The following AAMDC variants were observed in gnomAD, a reference collection of about 807,000 sequenced individuals.
The protein encoded by AAMDC is mth938 domain-containing protein.
In AAMDC, 16 loss-of-function variants were observed where a neutral mutation model predicts 15.5. The ratio of observed to expected loss-of-function variants is 1.03; its 90% CI spans 0.70 to 1.57. The LOEUF (loss-of-function observed/expected upper bound fraction) is 1.57. AAMDC is among the 40% of genes most tolerant of loss of function. The pLI is 0.00. For missense variants in AAMDC, 141 were observed against 144.9 expected, an observed-to-expected ratio of 0.97 and a Z score of 0.14; for synonymous variants, 51 against 51.6, an observed-to-expected ratio of 0.99 and a Z score of 0.05.
intron 5 of AAMDC, chr11:77,891,356 T>A: frequency 6.2e-7 from 1 of 1,610,968 alleles, no homozygotes; most frequent in South Asian, 1.1e-5. Flanking sequence ...CTGCACATGC[T>A]CCAGGGTTGC....
intron 1 of AAMDC, 56 bp from the exon 2 acceptor site, chr11:77,842,423 A>C (rs1297214289): frequency 2.6e-6 from 4 of 1,523,762 alleles, no homozygotes; most frequent in Non-Finnish European, 3.6e-6. Context: ...CTGTATTTTC[A>C]AACTGTTTCA....
At chr11:77,849,096 G>A (rs1950265572) in intron 2 of AAMDC, among the ~76,000 whole-genome samples, 1 of 151,530 alleles carries the variant, frequency 6.6e-6, no homozygotes, top group African/African-American at 2.4e-5. Flanking sequence ...GAGTGCAATG[G>A]CGCCATTATT....
At chr11:77,823,906 A>G (rs1402209363) in intron 1 of AAMDC, among the ~76,000 whole-genome samples, 1 of 152,048 alleles carries the variant, frequency 6.6e-6, no homozygotes, top group Non-Finnish European at 1.5e-5. Context: ...GAGGTTGTGA[A>G]ATAACATTCT....
At chr11:77,838,153 T>C (rs1590934017) in intron 1 of AAMDC, among the ~76,000 whole-genome samples, 1 of 152,200 alleles carries the variant, frequency 6.6e-6, no homozygotes, top group Admixed American at 6.5e-5. Flanking sequence ...TTTCTAATCG[T>C]CTTTAGTTGG....
chr11:77,903,439 G>C, downstream of AAMDC: 2 of 1,606,060 alleles, frequency 1.2e-6, no homozygotes, highest in Non-Finnish European at 1.7e-6. Flanking sequence ...TTTCCTGCAA[G>C]GCCTACACAG....
At chr11:77,865,601 C>T (rs1054507225) in intron 2 of AAMDC, among the ~76,000 whole-genome samples, 2 of 152,172 alleles carry the variant, frequency 1.3e-5, no homozygotes, top group Non-Finnish European at 2.9e-5. Context: ...GAGTGTCTAG[C>T]TTATCAGCTA....
downstream of AAMDC, among the ~76,000 whole-genome samples, chr11:77,902,797 C>T (rs558362857): frequency 6.6e-6 from 1 of 152,268 alleles, no homozygotes; most frequent in African/African-American, 2.4e-5. Flanking sequence ...GGGAATGACT[C>T]AAAGCTAAAA....
chr11:77,866,890 G>T (rs1951140926), intron 2 of AAMDC, among the ~76,000 whole-genome samples: 1 of 151,832 alleles, frequency 6.6e-6, no homozygotes, highest in East Asian at 1.9e-4. Flanking sequence ...GCCCAGGCTG[G>T]AGTGTAGTGG....
At chr11:77,886,876 C>A (rs1046947481) in intron 5 of AAMDC, among the ~76,000 whole-genome samples, 2 of 152,080 alleles carry the variant, frequency 1.3e-5, no homozygotes, top group African/African-American at 4.8e-5. Flanking sequence ...TGAAGGCAGA[C>A]ATAAAGATAT....
chr11:77,880,745 C>A (rs1565219171), intron 5 of AAMDC, among the ~76,000 whole-genome samples: 1 of 152,056 alleles, frequency 6.6e-6, no homozygotes, highest in Non-Finnish European at 1.5e-5. Context: ...ATCACTTGAT[C>A]CCAGGTGTTT....
Position 77,872,337 on chromosome 11 carries a change from A to C in AAMDC, c.*22A>C. 6.2e-7 allele frequency: 1 copy of C among 1,601,358 alleles called. No homozygotes were observed. The highest frequency in any genetic ancestry group is 8.5e-7 in the Non-Finnish European group (1 of 1,174,572). ...CTGATGGAGCCTTAAGAGGAGAATAAATCACTAAGTGCCTATGCCTGTGAC... is the reference window on the plus strand; with the variant it reads ...CTGATGGAGCCTTAAGAGGAGAATACATCACTAAGTGCCTATGCCTGTGAC... On this transcript the variant is annotated 3_prime_UTR_variant, in exon 4 of 4. Transcript: ENST00000393427.
chr11:77,890,657 C>T (rs1343703945), intron 5 of AAMDC, among the ~76,000 whole-genome samples: 1 of 152,236 alleles, frequency 6.6e-6, no homozygotes, highest in Admixed American at 6.5e-5. Context: ...GTGCACACCC[C>T]GAGAGGAAGA....
At chr11:77,845,447 G>A (rs924351547) in intron 2 of AAMDC, among the ~76,000 whole-genome samples, 1 of 151,046 alleles carries the variant, frequency 6.6e-6, no homozygotes, top group Admixed American at 6.6e-5. Context: ...TTTTTGGTGG[G>A]GGGGATAGAC....
At chr11:77,881,504 C>T (rs1266306843) in intron 5 of AAMDC, among the ~76,000 whole-genome samples, 1 of 152,252 alleles carries the variant, frequency 6.6e-6, no homozygotes, top group Non-Finnish European at 1.5e-5. Context: ...GGAAGGGTGA[C>T]TGCAGCTTTA....
chr11:77,838,615 C>CTTTTTT (rs34851335), intron 1 of AAMDC, among the ~76,000 whole-genome samples: 3 of 129,336 alleles, frequency 2.3e-5, no homozygotes, highest in Non-Finnish European at 1.6e-5. Flanking sequence ...ATACAAGTAC[C>CTTTTTT]TTTTTTTTTT....
At chr11:77,825,698 G>GT (rs1250441260) in intron 1 of AAMDC, among the ~76,000 whole-genome samples, 748 of 139,126 alleles carry the variant, frequency 5.4e-3, no homozygotes, top group African/African-American at 0.011. Context: ...CATTTTTTTT[G>GT]TTTTTTTTTT....
chr11:77,871,904 A>G (rs1471238272), intron 3 of AAMDC, among the ~76,000 whole-genome samples: 1 of 152,224 alleles, frequency 6.6e-6, no homozygotes, highest in East Asian at 1.9e-4. Flanking sequence ...AGTGCTAGTA[A>G]GGATGTAAAT....
At chr11:77,891,051 G>C (rs1357103317) in intron 5 of AAMDC, among the ~76,000 whole-genome samples, 2 of 152,096 alleles carry the variant, frequency 1.3e-5, no homozygotes, top group Non-Finnish European at 2.9e-5. Flanking sequence ...ACCCTTACTG[G>C]GTCCTGGGGG....
downstream of AAMDC, chr11:77,876,906 G>A (rs1191389414): frequency 8.6e-6 from 6 of 698,002 alleles, no homozygotes; most frequent in South Asian, 1.5e-5. Context: ...ATTACAGCAC[G>A]ATGGGCTCAG....
Sources: allele counts gnomAD v4.1 joint callset (sites outside exome capture counted in the v4.1 genomes callset), GRCh38; gene constraint gnomAD v4.1.1; transcripts MANE v1.5; gene names NCBI Gene and HGNC (gene_info 2026-07-23, HGNC 2026-07-21).